ZSWIM6: variants seen among roughly 807,000 people sequenced by gnomAD.
The protein encoded by ZSWIM6 is zinc finger SWIM-type containing 6.
ZSWIM6 carries 9 observed loss-of-function variants against 113.2 expected under a neutral mutation model. That is an observed-to-expected ratio of 0.08 (90% CI 0.05 to 0.14). The LOEUF (loss-of-function observed/expected upper bound fraction) is 0.14, where lower values mean the gene tolerates loss of function less well. ZSWIM6 is among the 10% of genes least tolerant of loss of function. ZSWIM6 has a pLI of 1.00. For missense variants in ZSWIM6, 1,162 were observed against 1,552.2 expected (o/e 0.75, Z 4.22); for synonymous variants, 611 against 606.5 (o/e 1.01, Z -0.11).
chr5:61,378,920 C>G lies in ZSWIM6; in HGVS notation c.676+45972C>G, dbSNP rs559733456. 7.2e-5 allele frequency among the ~76,000 whole-genome samples: 11 copies of G among 152,104 alleles called. No homozygotes were observed. In the South Asian group the frequency reaches 2.3e-3, roughly 32 times the overall value. ...TTGGGCTGGGCACGATGGCTCACTC[C>G]TGTTATCCCAGTGCTTTAGGAGGCT... On this transcript the variant is annotated intron_variant, in intron 1 of 13. Coordinates refer to ENST00000252744, the MANE Select transcript of ZSWIM6 (RefSeq NM_020928.2).
At chr5:61,383,090 C>G (rs1046858450) in intron 1 of ZSWIM6, among the ~76,000 whole-genome samples, 5 of 152,214 alleles carry the variant, frequency 3.3e-5, no homozygotes, top group African/African-American at 1.2e-4. Flanking sequence ...TCTGGACACA[C>G]AGGGAAAATT....
intron 4 of ZSWIM6, among the ~76,000 whole-genome samples, chr5:61,507,963 T>C (rs901362846): frequency 9.9e-5 from 15 of 152,062 alleles, no homozygotes; most frequent in Non-Finnish European, 1.5e-4. Context: ...AGATCGAAGG[T>C]TAAACACCAT....
At chr5:61,333,155 C>T (rs1561194596) in intron 1 of ZSWIM6, among the ~76,000 whole-genome samples, 2 of 152,034 alleles carry the variant, frequency 1.3e-5, no homozygotes, top group Admixed American at 6.5e-5. Context: ...GACGGGCCAG[C>T]GCGAGTGGGA....
intron 1 of ZSWIM6, among the ~76,000 whole-genome samples, chr5:61,353,427 C>A (rs959704955): frequency 2.0e-5 from 3 of 152,128 alleles, no homozygotes; most frequent in Non-Finnish European, 4.4e-5. Flanking sequence ...TGGACTTGAA[C>A]ACCTAGGCCT....
intron 4 of ZSWIM6, among the ~76,000 whole-genome samples, chr5:61,495,796 G>A (rs1441968264): frequency 6.6e-6 from 1 of 151,992 alleles, no homozygotes; most frequent in East Asian, 1.9e-4. Context: ...AGACTTGATT[G>A]GTTAGATGCT....
intron 1 of ZSWIM6, among the ~76,000 whole-genome samples, chr5:61,378,355 T>C (rs778550125): frequency 2.7e-4 from 41 of 152,144 alleles, no homozygotes; most frequent in Non-Finnish European, 4.9e-4. Context: ...AGATATTAAA[T>C]GGGGAAAAAA....
intron 1 of ZSWIM6, among the ~76,000 whole-genome samples, chr5:61,469,492 T>C (rs1055624482): frequency 6.6e-6 from 1 of 152,236 alleles, no homozygotes; most frequent in Non-Finnish European, 1.5e-5. Context: ...GGTCACAATA[T>C]TTTATAGTTT....
chr5:61,476,771 A>G (rs1401594804), intron 2 of ZSWIM6, among the ~76,000 whole-genome samples: 3 of 152,116 alleles, frequency 2.0e-5, no homozygotes, highest in Non-Finnish European at 4.4e-5. Context: ...TATGCTTCCT[A>G]TTAAAGGAGA....
intron 1 of ZSWIM6, among the ~76,000 whole-genome samples, chr5:61,411,906 A>G (rs1262163887): frequency 6.6e-6 from 1 of 152,242 alleles, no homozygotes; most frequent in Non-Finnish European, 1.5e-5. Flanking sequence ...AAGTATGCAG[A>G]CCATAGCATG....
intron 1 of ZSWIM6, among the ~76,000 whole-genome samples, chr5:61,366,117 ACTC>A (rs1380542728): frequency 7.9e-5 from 12 of 151,430 alleles, no homozygotes; most frequent in African/African-American, 2.9e-4. Flanking sequence ...CTGGTTTTGA[ACTC>A]CTGGGCTCTC....
At chr5:61,381,526 A>G (rs531567877) in intron 1 of ZSWIM6, among the ~76,000 whole-genome samples, 62 of 152,306 alleles carry the variant, frequency 4.1e-4, no homozygotes, top group African/African-American at 1.5e-3. Context: ...AAGTAACATT[A>G]TGTGTGTCAT....
chr5:61,333,069 G>A (rs1579934515), intron 1 of ZSWIM6, 121 bp downstream of exon 1: 19 of 994,316 alleles, frequency 1.9e-5, no homozygotes, highest in Non-Finnish European at 2.0e-5. Flanking sequence ...CCCTGCGGGT[G>A]TCCTCACTGG....
chr5:61,419,714 T>C (rs940690590), intron 1 of ZSWIM6, among the ~76,000 whole-genome samples: 1 of 152,210 alleles, frequency 6.6e-6, no homozygotes, highest in African/African-American at 2.4e-5. Flanking sequence ...TCATGCCTTG[T>C]CCACACAATG....
Position 61,521,447 on chromosome 5 carries a change from G to A in ZSWIM6, c.1513+5G>A. On this transcript the variant is annotated splice_donor_5th_base_variant and intron_variant, in intron 5 of 13. Coordinates refer to ENST00000252744, the MANE Select transcript of ZSWIM6 (RefSeq NM_020928.2). ...AGGGTGCAAATGCCAACCAAGGTGA[G>A]TCTACCATAATGTTCTGCTTAAATT... The A allele has an allele frequency of 2.1e-6, 3 of 1,456,460 alleles. No homozygotes were observed. The highest frequency in any genetic ancestry group is 1.5e-5 in the South Asian group (1 of 68,662). The allele number at this position is 1,456,460 out of a possible 1,614,324, so 90.2% of individuals were successfully genotyped here.
intron 1 of ZSWIM6, among the ~76,000 whole-genome samples, chr5:61,394,594 A>G (rs887565461): frequency 3.3e-5 from 5 of 152,166 alleles, no homozygotes; most frequent in Non-Finnish European, 7.3e-5. Context: ...AATGGTGTAT[A>G]TGATATATAT....
intron 1 of ZSWIM6, among the ~76,000 whole-genome samples, chr5:61,362,950 C>T (rs952409570): frequency 1.3e-5 from 2 of 152,212 alleles, no homozygotes; most frequent in African/African-American, 2.4e-5. Context: ...ACATGCCATG[C>T]TTGCTGATGT....
chr5:61,460,661 C>T (rs557100058), intron 1 of ZSWIM6, among the ~76,000 whole-genome samples: 2 of 152,168 alleles, frequency 1.3e-5, no homozygotes, highest in African/African-American at 4.8e-5. Context: ...AGAACTGGAA[C>T]CCTGTGTTAT....
At chr5:61,413,676 C>T (rs1327727495) in intron 1 of ZSWIM6, among the ~76,000 whole-genome samples, 1 of 152,184 alleles carries the variant, frequency 6.6e-6, no homozygotes, top group Non-Finnish European at 1.5e-5. Context: ...ACATCCTCTC[C>T]AGCCCCTGTT....
At chr5:61,493,994 T>C (rs1208245921) in intron 3 of ZSWIM6, among the ~76,000 whole-genome samples, 1 of 152,158 alleles carries the variant, frequency 6.6e-6, no homozygotes, top group East Asian at 1.9e-4. Flanking sequence ...TAACATATAA[T>C]TCAAAATAAT....
Sources: gnomAD v4.1 joint callset for allele counts (sites outside exome capture counted in the v4.1 genomes callset) on GRCh38, gnomAD v4.1.1 for gene constraint, MANE v1.5 for transcripts, NCBI Gene and HGNC (gene_info 2026-07-23, HGNC 2026-07-21) for gene names.